Variants in CLCN3 observed in about 807,000 individuals in gnomAD.
CLCN3 encodes the protein Cl-/H+ antiporter 3.
In CLCN3, 16 loss-of-function variants were observed where a neutral mutation model predicts 83.4. The ratio of observed to expected loss-of-function variants is 0.19; its 90% CI spans 0.13 to 0.29. The LOEUF is 0.29. CLCN3 is among the 10% of genes least tolerant of loss of function. The pLI is 1.00. For missense variants in CLCN3, 544 were observed against 1,006.0 expected, an observed-to-expected ratio of 0.54 and a Z score of 6.21; for synonymous variants, 322 against 346.2, an observed-to-expected ratio of 0.93 and a Z score of 0.78.
At chr4:169,707,808 G>A (rs1733051219) in intron 11 of CLCN3, among the ~76,000 whole-genome samples, 1 of 152,192 alleles carries the variant, frequency 6.6e-6, no homozygotes, top group South Asian at 2.1e-4. Context: ...GGTTGAAAAA[G>A]TATAACGTAT....
chr4:169,632,761 G>C (rs1298796921), intron 1 of CLCN3, among the ~76,000 whole-genome samples: 1 of 150,164 alleles, frequency 6.7e-6, no homozygotes, highest in Non-Finnish European at 1.5e-5. Flanking sequence ...GAACTAGCAG[G>C]GGTTGGGCTG....
In CLCN3 at chr4:169,720,798, G is replaced by T. The variant is rs1214151787; in HGVS notation, c.*801G>T. On this transcript the variant is annotated 3_prime_UTR_variant, in exon 13 of 13. Transcript: ENST00000513761. ...GCGAGAACGAAATCTCTCATTGTGT[G>T]CCGTGTGGCTCAAAACCGAAAACAA... 1.3e-5 allele frequency: 2 copies of T among 152,636 alleles called. No homozygotes were observed. Among genetic ancestry groups the T allele is most frequent in the Non-Finnish European group, 2.9e-5 (2 of 68,046 alleles). 9.5% of individuals were successfully genotyped at this position (152,636 alleles called of 1,614,324 possible).
intron 2 of CLCN3, among the ~76,000 whole-genome samples, chr4:169,663,306 T>TG (rs200156399): frequency 3.1e-5 from 2 of 64,006 alleles, no homozygotes; most frequent in African/African-American, 1.4e-4. Context: ...CTGTCCTAAG[T>TG]GGGTTTTTTT....
At chr4:169,663,570 G>A in intron 2 of CLCN3, 1 of 401,662 alleles carries the variant, frequency 2.5e-6, no homozygotes. Context: ...CAACTCCTGG[G>A]CTCAAGCAAC....
chr4:169,715,382 TTCTG>T (rs1581290798), intron 12 of CLCN3, among the ~76,000 whole-genome samples: 1 of 152,122 alleles, frequency 6.6e-6, no homozygotes, highest in Non-Finnish European at 1.5e-5. Flanking sequence ...TTTTCCTTAT[TTCTG>T]TCTGTCAAGG....
intron 11 of CLCN3, among the ~76,000 whole-genome samples, chr4:169,711,901 G>A (rs1733231204): frequency 6.6e-6 from 1 of 151,740 alleles, no homozygotes; most frequent in Admixed American, 6.6e-5. Context: ...GTCTTGCTTT[G>A]TCACCCAGGC....
At chr4:169,678,538 T>A in intron 2 of CLCN3, among the ~76,000 whole-genome samples, 1 of 152,196 alleles carries the variant, frequency 6.6e-6, no homozygotes, top group Non-Finnish European at 1.5e-5. Flanking sequence ...CAAAGGTCTC[T>A]GGTTTTCCTA....
At chr4:169,696,072 G>T (rs563579276) in intron 8 of CLCN3, among the ~76,000 whole-genome samples, 6 of 151,708 alleles carry the variant, frequency 4.0e-5, no homozygotes, top group South Asian at 2.1e-4. Flanking sequence ...TTTTTGTGGG[G>T]TTTTTTTGTT....
At chr4:169,710,814 C>T (rs2150271864) in intron 11 of CLCN3, among the ~76,000 whole-genome samples, 1 of 152,216 alleles carries the variant, frequency 6.6e-6, no homozygotes, top group Admixed American at 6.5e-5. Context: ...TAATGTCACA[C>T]TTCATGTCTT....
At chr4:169,655,716 G>A (rs1197438499) in intron 2 of CLCN3, among the ~76,000 whole-genome samples, 1 of 152,104 alleles carries the variant, frequency 6.6e-6, no homozygotes, top group African/African-American at 2.4e-5. Flanking sequence ...ATGTTACCCA[G>A]TCTGGTCTTG....
At chr4:169,657,991 G>T (rs904291308) in intron 2 of CLCN3, among the ~76,000 whole-genome samples, 12 of 152,096 alleles carry the variant, frequency 7.9e-5, no homozygotes, top group Non-Finnish European at 1.8e-4. Flanking sequence ...CCTGTGTACT[G>T]ATTCTTTTAC....
In CLCN3 at chr4:169,690,659, C is replaced by T. The variant is rs781301731; in HGVS notation, c.729+7C>T. On this transcript the variant is annotated splice_region_variant and intron_variant, in intron 6 of 12. Transcript: ENST00000513761. ...TGGCTCTGGAATTCCAGAGGTAAGC[C>T]AAGTAATATTTAGTGTCATTAAACA... 8 of 1,607,306 alleles carry T rather than the reference C, an allele frequency of 5.0e-6. No homozygotes were observed. In the Admixed American group the frequency reaches 1.2e-4, roughly 24 times the overall value.
chr4:169,632,118 G>T lies in CLCN3; in HGVS notation c.-16-3795G>T, dbSNP rs181535632. On this transcript the variant is annotated intron_variant, in intron 1 of 12. Transcript: ENST00000513761. ...GACACAATGAAAAAGGAAAAGTACA[G>T]GTCAATATCCCTGATGAACATAGAT... 6.8e-4 allele frequency among the ~76,000 whole-genome samples: 104 copies of T among 152,232 alleles called. 2 individuals carry two copies. The highest frequency in any genetic ancestry group is 8.8e-5 in the Non-Finnish European group (6 of 68,004).
At chr4:169,702,150 C>G (rs955136724) in intron 9 of CLCN3, among the ~76,000 whole-genome samples, 1 of 152,126 alleles carries the variant, frequency 6.6e-6, no homozygotes, top group African/African-American at 2.4e-5. Flanking sequence ...CTGGCTGCAA[C>G]CAATTATTAC....
Position 169,620,590 on chromosome 4 carries a change from C to G in CLCN3, c.-490C>G, listed in dbSNP as rs182426229. The G allele has an allele frequency of 7.6e-6, 3 of 397,036 alleles. No homozygotes were observed. The highest frequency in any genetic ancestry group is 8.9e-6 in the Non-Finnish European group (2 of 225,644). 24.6% of individuals were successfully genotyped at this position (397,036 alleles called of 1,614,324 possible). A position where few individuals can be genotyped will look rare whatever the true frequency, so the allele number is the denominator to read the frequency against. On this transcript the variant is annotated 5_prime_UTR_variant, in exon 1 of 13. Coordinates refer to ENST00000513761, the MANE Select transcript of CLCN3 (RefSeq NM_001829.4). Reference sequence around the variant, plus strand: ...ACTCCTGCCGCTTCTCTTCCCCTTCCGTGGGTCAGGGCCGGTCCGGTCCGG... The same window carrying G: ...ACTCCTGCCGCTTCTCTTCCCCTTCGGTGGGTCAGGGCCGGTCCGGTCCGG...
At chr4:169,637,221 T>C (rs1208435694) in intron 2 of CLCN3, among the ~76,000 whole-genome samples, 1 of 152,224 alleles carries the variant, frequency 6.6e-6, no homozygotes, top group Non-Finnish European at 1.5e-5. Flanking sequence ...TCATTATGCA[T>C]TCTGATTATG....
intron 2 of CLCN3, among the ~76,000 whole-genome samples, chr4:169,659,657 A>G (rs768603975): frequency 4.0e-5 from 6 of 150,350 alleles, no homozygotes; most frequent in South Asian, 2.1e-4. Flanking sequence ...GGGATAAAAC[A>G]CTATTCAACT....
Position 169,679,000 on chromosome 4 carries a change from G to GC in CLCN3, c.161-1044dup, listed in dbSNP as rs1158079206. 9.2e-5 allele frequency among the ~76,000 whole-genome samples: 14 copies of GC among 151,788 alleles called. No homozygotes were observed. In the East Asian group the frequency reaches 1.4e-3, roughly 15 times the overall value. On this transcript the variant is annotated intron_variant, in intron 2 of 12. Transcript: ENST00000513761. ...CCACACTGGGCGGCCGGGCGGAGGC[G>GC]CCCCCCACCTCCCAGACGGGGCGGC...
At chr4:169,694,561 G>A (rs1311500263) in intron 7 of CLCN3, among the ~76,000 whole-genome samples, 15 of 152,200 alleles carry the variant, frequency 9.9e-5, no homozygotes, top group Non-Finnish European at 5.9e-5. Context: ...ACACTTGGCT[G>A]GGCGCGGTGG....
Sources: gnomAD v4.1 joint callset for allele counts (sites outside exome capture counted in the v4.1 genomes callset) on GRCh38, gnomAD v4.1.1 for gene constraint, MANE v1.5 for transcripts, NCBI Gene and HGNC (gene_info 2026-07-23, HGNC 2026-07-21) for gene names.